DPYSL3: variants seen among roughly 807,000 people sequenced by gnomAD.
DPYSL3 encodes dihydropyrimidinase like 3, also known as dihydropyrimidinase-related protein 3.
In DPYSL3, 16 loss-of-function variants were observed where a neutral mutation model predicts 66.1. The observed-to-expected ratio is 0.24, with a 90% CI of 0.16 to 0.37. DPYSL3 has a LOEUF of 0.37. Among genes scored for constraint, DPYSL3 ranks in the 10% least tolerant of loss-of-function variants. The pLI, the probability that DPYSL3 is intolerant of heterozygous loss-of-function variation, is 1.00. For synonymous variants in DPYSL3, 338 were observed against 345.1 expected (o/e 0.98, Z 0.23); for missense variants, 738 against 916.2 (o/e 0.81, Z 2.51).
In DPYSL3 at chr5:147,424,856, A is replaced by G; in HGVS notation, c.470+19T>C. On this transcript the variant is annotated intron_variant, in intron 2 of 13. Coordinates refer to ENST00000343218, the MANE Select transcript of DPYSL3 (RefSeq NM_001197294.2). ...GGAGGAAGTGCAAAACAATAAAGAGAAGAATTCCATATACATACTTTATTA... is the reference window on the plus strand; with the variant it reads ...GGAGGAAGTGCAAAACAATAAAGAGGAGAATTCCATATACATACTTTATTA... The G allele has an allele frequency of 6.4e-7, 1 of 1,560,752 alleles. No homozygotes were observed. The highest frequency in any genetic ancestry group is 8.8e-7 in the Non-Finnish European group (1 of 1,138,564).
intron 1 of DPYSL3, among the ~76,000 whole-genome samples, chr5:147,476,604 A>G (rs1200052818): frequency 6.6e-6 from 1 of 152,132 alleles, no homozygotes. Flanking sequence ...TTGGACAGAG[A>G]CTTCCATGTA....
intron 1 of DPYSL3, among the ~76,000 whole-genome samples, chr5:147,464,852 C>T (rs922273839): frequency 2.0e-5 from 3 of 152,068 alleles, no homozygotes; most frequent in African/African-American, 7.2e-5. Flanking sequence ...TGAGACCTCC[C>T]AAGAGAAGAG....
chr5:147,503,546 G>T (rs1217121682), intron 1 of DPYSL3, among the ~76,000 whole-genome samples: 1 of 151,846 alleles, frequency 6.6e-6, no homozygotes, highest in Non-Finnish European at 1.5e-5. Context: ...TTCTGCCTTG[G>T]CTCCCAAAGT....
chr5:147,455,517 G>C (rs1393840183), intron 1 of DPYSL3, among the ~76,000 whole-genome samples: 4 of 152,186 alleles, frequency 2.6e-5, no homozygotes, highest in African/African-American at 9.7e-5. Context: ...TTCTTAAAGC[G>C]TAAGTGCTGA....
At chr5:147,448,329 G>A (rs1039672047) in intron 1 of DPYSL3, among the ~76,000 whole-genome samples, 14 of 152,148 alleles carry the variant, frequency 9.2e-5, no homozygotes, top group African/African-American at 2.2e-4. Context: ...GTTCAAAGGC[G>A]GTCTAATGGC....
chr5:147,493,888 C>T (rs1753457254), intron 1 of DPYSL3, among the ~76,000 whole-genome samples: 1 of 152,138 alleles, frequency 6.6e-6, no homozygotes, highest in South Asian at 2.1e-4. Context: ...TCCCCAAATA[C>T]GTGGATATTA....
At chr5:147,412,773 A>G (rs1751881329) in intron 5 of DPYSL3, 85 bp from the exon 6 acceptor site, 36 of 1,184,714 alleles carry the variant, frequency 3.0e-5, no homozygotes, top group Non-Finnish European at 4.3e-5. Context: ...CCAAGCTAAA[A>G]CAGATGGGAT....
At chr5:147,490,029 C>A (rs1286018572) in intron 1 of DPYSL3, among the ~76,000 whole-genome samples, 1 of 152,110 alleles carries the variant, frequency 6.6e-6, no homozygotes, top group African/African-American at 2.4e-5. Flanking sequence ...ATGTCTTTTA[C>A]AATATCCCAC....
chr5:147,507,661 T>C (rs1033062978), intron 1 of DPYSL3, among the ~76,000 whole-genome samples: 2 of 152,208 alleles, frequency 1.3e-5, no homozygotes, highest in Non-Finnish European at 2.9e-5. Flanking sequence ...TAACATGGCC[T>C]GGATGAAGCA....
intron 1 of DPYSL3, among the ~76,000 whole-genome samples, chr5:147,438,194 C>T (rs1752449592): frequency 6.6e-6 from 1 of 152,120 alleles, no homozygotes; most frequent in African/African-American, 2.4e-5. Context: ...ACCTATACAC[C>T]CGCAACTCTG....
intron 1 of DPYSL3, chr5:147,473,343 A>C (rs952214654): frequency 3.3e-5 from 5 of 152,120 alleles, no homozygotes; most frequent in African/African-American, 4.8e-5. Context: ...TCAGTAATAA[A>C]CCTGAAGAAT....
At chr5:147,448,210 A>G (rs981884941) in intron 1 of DPYSL3, among the ~76,000 whole-genome samples, 1 of 152,068 alleles carries the variant, frequency 6.6e-6, no homozygotes, top group Non-Finnish European at 1.5e-5. Context: ...TCTTCATAAC[A>G]TGTGTCACTC....
chr5:147,397,544 C>T (rs1055100935), intron 12 of DPYSL3, 122 bp downstream of exon 12: 14 of 1,089,060 alleles, frequency 1.3e-5, no homozygotes, highest in African/African-American at 1.6e-5. Context: ...GGGGACAAGA[C>T]TGTCACTGAA....
In DPYSL3 at chr5:147,401,614, C is replaced by A; in HGVS notation, c.1236G>T (p.Ala412=). 3 of 1,614,034 alleles carry A rather than the reference C, an allele frequency of 1.9e-6. No homozygotes were observed. The highest frequency in any genetic ancestry group is 1.1e-5 in the South Asian group (1 of 91,000). ...GGGGTGGGGATGTCACAAATGCAGC[C>A]GCCTTGGCCCAGTTCTTGCTCCAAT... ...THYWSKNWAK[A]AAFVTSPPLS... The change falls in exon 9 of 14, where the codon GCG becomes GCT. Residue 412 remains alanine (A), a synonymous_variant. Coordinates refer to ENST00000343218, the MANE Select transcript of DPYSL3 (RefSeq NM_001197294.2).
chr5:147,458,222 A>T (rs996651472), intron 1 of DPYSL3, among the ~76,000 whole-genome samples: 1 of 152,184 alleles, frequency 6.6e-6, no homozygotes, highest in Non-Finnish European at 1.5e-5. Context: ...GATACAGGTC[A>T]TAAAGACCTT....
chr5:147,429,342 C>T (rs1471070405), intron 1 of DPYSL3, among the ~76,000 whole-genome samples: 1 of 152,114 alleles, frequency 6.6e-6, no homozygotes, highest in African/African-American at 2.4e-5. Context: ...TTTGCCACTG[C>T]TGGGAGAATC....
intron 4 of DPYSL3, among the ~76,000 whole-genome samples, chr5:147,414,651 C>A (rs562725736): frequency 1.3e-5 from 2 of 152,242 alleles, no homozygotes; most frequent in South Asian, 2.1e-4. Context: ...TAAAGCCGTT[C>A]GATTTTCTAC....
At chr5:147,436,945 G>A (rs749831104) in intron 1 of DPYSL3, among the ~76,000 whole-genome samples, 17 of 152,198 alleles carry the variant, frequency 1.1e-4, no homozygotes, top group Non-Finnish European at 2.4e-4. Context: ...AATGTAGCAG[G>A]TCACTGAAAT....
At chr5:147,424,770 A>T (rs1752164119) in intron 2 of DPYSL3, 105 bp downstream of exon 2, 1 of 866,344 alleles carries the variant, frequency 1.2e-6, no homozygotes, top group Non-Finnish European at 1.8e-6. Flanking sequence ...TCTGTTGATT[A>T]AATTAAGATT....
Sources: allele counts gnomAD v4.1 joint callset (sites outside exome capture counted in the v4.1 genomes callset), GRCh38; gene constraint gnomAD v4.1.1; transcripts MANE v1.5; gene names NCBI Gene and HGNC (gene_info 2026-07-23, HGNC 2026-07-21).